Variants in ERG observed in about 807,000 individuals in gnomAD.
The protein encoded by ERG is ETS transcription factor ERG.
ERG carries 9 observed loss-of-function variants against 55.3 expected under a neutral mutation model. The observed-to-expected ratio is 0.16, with a 90% CI of 0.10 to 0.28. ERG has a LOEUF of 0.28. Among genes scored for constraint, ERG ranks in the 10% least tolerant of loss-of-function variants. The pLI is 1.00. For missense variants in ERG, 434 were observed against 631.6 expected (o/e 0.69, Z 3.35); for synonymous variants, 223 against 237.3 (o/e 0.94, Z 0.55).
intron 1 of ERG, among the ~76,000 whole-genome samples, chr21:38,601,726 G>T (rs2060165700): frequency 6.6e-6 from 1 of 152,036 alleles, no homozygotes; most frequent in Non-Finnish European, 1.5e-5. Flanking sequence ...TAAGTAGAGA[G>T]GATAACAGTT....
chr21:38,601,492 T>C (rs2060164372), intron 1 of ERG, among the ~76,000 whole-genome samples: 1 of 152,084 alleles, frequency 6.6e-6, no homozygotes. Flanking sequence ...TATTTTGAGG[T>C]TTCACTGCCA....
chr21:38,498,635 A>T (rs148522133), upstream of ERG: 1 of 313,308 alleles, frequency 3.2e-6, no homozygotes, highest in Non-Finnish European at 4.6e-6. The surrounding 1 kb of genome is among the most constrained non-coding windows in gnomAD (Gnocchi z 4.6). Flanking sequence ...CAGCCAGGAG[A>T]TTTTTTTTTT....
chr21:38,478,694 A>C (rs1188396069), intron 1 of ERG, among the ~76,000 whole-genome samples: 1 of 152,222 alleles, frequency 6.6e-6, no homozygotes. Flanking sequence ...AGAATGAGTA[A>C]CACCTGAATA....
intron 1 of ERG, among the ~76,000 whole-genome samples, chr21:38,625,337 T>C (rs965774938): frequency 2.0e-5 from 3 of 152,150 alleles, no homozygotes; most frequent in African/African-American, 7.2e-5. Context: ...TTGGTCTACT[T>C]GCACCATTAG....
At chr21:38,539,477 C>T (rs2059735569) in intron 2 of ERG, among the ~76,000 whole-genome samples, 1 of 152,074 alleles carries the variant, frequency 6.6e-6, no homozygotes, top group Non-Finnish European at 1.5e-5. Flanking sequence ...TAGGTAGTTA[C>T]TAGAAAATGT....
At position 38,383,592 on chromosome 21, in the gene ERG, G is replaced by A. The variant is rs1987549647; in HGVS notation, c.1251C>T (p.Tyr417=). The A allele has an allele frequency of 3.1e-6, 5 of 1,611,900 alleles. No homozygotes were observed. The highest frequency in any genetic ancestry group is 4.2e-6 in the Non-Finnish European group (5 of 1,178,314). ...SLYKYPSDLP[Y]MGSYHAHPQK... is the part of the protein sequence containing the mutation. ...GTGGGTGGGCGTGATAGGAGCCCATGTACGGGAGGTCTGAGGGGTACTTGT... is the reference window on the plus strand; with the variant it reads ...GTGGGTGGGCGTGATAGGAGCCCATATACGGGAGGTCTGAGGGGTACTTGT... Residue 417 remains tyrosine (Y), a synonymous_variant, in exon 10 of 10, where the codon TAC becomes TAT. Transcript: ENST00000288319. This position sits in a 1 kb window ranked among gnomAD's most constrained non-coding sequence, Gnocchi z 5.7.
chr21:38,468,889 G>T (rs2059113564), intron 1 of ERG, among the ~76,000 whole-genome samples: 2 of 150,410 alleles, frequency 1.3e-5, no homozygotes. Context: ...GGAGGCTGAG[G>T]TAGGAGAATA....
At chr21:38,421,941 C>T (rs538967840) in intron 3 of ERG, among the ~76,000 whole-genome samples, 31 of 152,328 alleles carry the variant, frequency 2.0e-4, no homozygotes, top group South Asian at 1.7e-3. Flanking sequence ...CAACCTCTGC[C>T]TCTCTGGTTC....
intron 1 of ERG, among the ~76,000 whole-genome samples, chr21:38,646,591 A>G (rs987185556): frequency 5.9e-5 from 9 of 152,076 alleles, no homozygotes; most frequent in African/African-American, 9.7e-5. Context: ...TGCTTAAGTG[A>G]TCCTGTCAGC....
At chr21:38,495,943 A>C (rs1359219546) in intron 1 of ERG, among the ~76,000 whole-genome samples, 2 of 152,210 alleles carry the variant, frequency 1.3e-5, no homozygotes, top group Admixed American at 1.3e-4. Context: ...CCAATCAGTG[A>C]ATTGTCTGCA....
chr21:38,494,947 C>T (rs886716304), intron 1 of ERG, among the ~76,000 whole-genome samples: 4 of 152,226 alleles, frequency 2.6e-5, no homozygotes, highest in African/African-American at 9.6e-5. Context: ...AGCCACTTTT[C>T]GGCAAGGACA....
intron 1 of ERG, among the ~76,000 whole-genome samples, chr21:38,578,281 T>C (rs186550957): frequency 1.2e-4 from 19 of 152,298 alleles, no homozygotes; most frequent in Admixed American, 1.2e-3. Context: ...CACAGGTCAT[T>C]GAAACACCCT....
chr21:38,423,084 AGTGTGTGTGTGTGTGTGT>A (rs71184624), intron 3 of ERG, among the ~76,000 whole-genome samples: 1 of 144,324 alleles, frequency 6.9e-6, no homozygotes, highest in African/African-American at 2.6e-5. Context: ...CTCCATACGT[AGTGTGTGTGTGTGTGTGT>A]GTGTGTGTGT....
At chr21:38,589,679 T>C (rs2060087945), upstream of ERG, among the ~76,000 whole-genome samples, 1 of 152,102 alleles carries the variant, frequency 6.6e-6, no homozygotes, top group South Asian at 2.1e-4. Context: ...GTGAGAGCCA[T>C]CCCAGGACCA....
intron 1 of ERG, among the ~76,000 whole-genome samples, chr21:38,578,036 C>A (rs2060005618): frequency 6.6e-6 from 1 of 152,244 alleles, no homozygotes; most frequent in Admixed American, 6.5e-5. Flanking sequence ...CCCATACCCT[C>A]AGCAGCACAG....
downstream of ERG, among the ~76,000 whole-genome samples, chr21:38,378,221 C>A (rs1185677328): frequency 6.6e-6 from 1 of 152,220 alleles, no homozygotes; most frequent in African/African-American, 2.4e-5. Flanking sequence ...ATGGACAACA[C>A]TTAATATTTC....
chr21:38,456,158 C>G (rs1359484750), intron 1 of ERG, among the ~76,000 whole-genome samples: 2 of 152,244 alleles, frequency 1.3e-5, no homozygotes, highest in African/African-American at 4.8e-5. Flanking sequence ...TCCTCCATCT[C>G]TGAGCAGACA....
At chr21:38,468,629 T>C (rs1298900129) in intron 1 of ERG, among the ~76,000 whole-genome samples, 1 of 152,098 alleles carries the variant, frequency 6.6e-6, no homozygotes, top group Non-Finnish European at 1.5e-5. Flanking sequence ...GCCTTCACCA[T>C]ATACCTCATC....
chr21:38,571,544 A>T (rs1276687191), intron 2 of ERG, among the ~76,000 whole-genome samples: 2 of 151,846 alleles, frequency 1.3e-5, no homozygotes, highest in African/African-American at 2.4e-5. Flanking sequence ...AATAAATAAA[A>T]AATTTTTAAA....
Sources: allele counts gnomAD v4.1 joint callset (sites outside exome capture counted in the v4.1 genomes callset), GRCh38; gene constraint gnomAD v4.1.1; non-coding constraint Gnocchi (gnomAD v3.1); transcripts MANE v1.5; gene names NCBI Gene and HGNC (gene_info 2026-07-23, HGNC 2026-07-21).